Variants in NBAS observed in about 807,000 individuals in gnomAD.
The protein encoded by NBAS is NAG/BC035112 fusion.
NBAS carries 219 observed loss-of-function variants against 302.5 expected under a neutral mutation model. That is an observed-to-expected ratio of 0.72 (90% CI 0.65 to 0.81). The LOEUF (loss-of-function observed/expected upper bound fraction) is 0.81, where lower values mean the gene tolerates loss of function less well. NBAS is among the 30% of genes least tolerant of loss of function. The pLI is 0.00. For synonymous variants in NBAS, 1,118 were observed against 1,021.6 expected (o/e 1.09, Z -1.80); for missense variants, 2,932 against 2,841.6 (o/e 1.03, Z -0.72).
intron 21 of NBAS, among the ~76,000 whole-genome samples, chr2:15,433,373 C>T (rs1004843579): frequency 6.6e-6 from 1 of 152,060 alleles, no homozygotes; most frequent in Non-Finnish European, 1.5e-5. Context: ...TACAACAGTA[C>T]CTGGCATACA....
At chr2:14,997,169 G>A in the NBAS span, among the ~76,000 whole-genome samples, 1 of 152,164 alleles carries the variant, frequency 6.6e-6, no homozygotes, top group Admixed American at 6.5e-5. Context: ...AGGGAGAGGA[G>A]CAGGAGAGGA....
At chr2:15,132,222 A>G in the NBAS span, among the ~76,000 whole-genome samples, 3 of 152,256 alleles carry the variant, frequency 2.0e-5, no homozygotes, top group African/African-American at 7.2e-5. Flanking sequence ...CGGTACATCC[A>G]GACAATGGAA....
chr2:15,089,358 T>C, the NBAS span, among the ~76,000 whole-genome samples: 1 of 152,112 alleles, frequency 6.6e-6, no homozygotes, highest in African/African-American at 2.4e-5. Flanking sequence ...TATTTTAAAA[T>C]TCATAATCAC....
At chr2:14,866,712 A>G in the NBAS span, among the ~76,000 whole-genome samples, 1 of 152,190 alleles carries the variant, frequency 6.6e-6, no homozygotes, top group Admixed American at 6.5e-5. Context: ...AAAACTGACC[A>G]CTGAAGGCAT....
At chr2:15,109,668 C>A in the NBAS span, among the ~76,000 whole-genome samples, 1 of 152,178 alleles carries the variant, frequency 6.6e-6, no homozygotes, top group African/African-American at 2.4e-5. Flanking sequence ...TTCTCCTTGT[C>A]TTCTCACAGA....
the NBAS span, among the ~76,000 whole-genome samples, chr2:14,914,575 C>T: frequency 2.0e-5 from 3 of 152,300 alleles, no homozygotes; most frequent in East Asian, 1.9e-4. Flanking sequence ...ACATTATTTG[C>T]AGGAACAGAT....
rs535300197 is a variant in NBAS at position 15,313,521 on chromosome 2, T to C, written c.4583-4274A>G. ...TTCTTGATCAGTACCTATCAGGCGA[T>C]TGACAATGTTATGCTATGACAAACA... On this transcript the variant is annotated intron_variant, in intron 38 of 51. Transcript: ENST00000281513. 1.7e-4 allele frequency among the ~76,000 whole-genome samples: 26 copies of C among 152,370 alleles called. No individual in the cohort carries two copies. The South Asian group carries it at 5.4e-3, about 32-fold the overall frequency.
the NBAS span, among the ~76,000 whole-genome samples, chr2:14,823,038 G>A: frequency 6.6e-6 from 1 of 152,172 alleles, no homozygotes; most frequent in African/African-American, 2.4e-5. Context: ...CACATATAGT[G>A]TTCTGTCACA....
the NBAS span, among the ~76,000 whole-genome samples, chr2:15,006,396 G>T: frequency 6.6e-6 from 1 of 152,076 alleles, no homozygotes; most frequent in Admixed American, 6.6e-5. Context: ...TATTAATGGG[G>T]TATGTTTACT....
chr2:15,558,765 T>C (rs1356756503), intron 1 of NBAS, 131 bp from the exon 2 acceptor site: 1 of 722,416 alleles, frequency 1.4e-6, no homozygotes, highest in South Asian at 1.5e-5. Context: ...AGCAGTGTCT[T>C]AAAACTACTT....
At chr2:15,067,107 G>A in the NBAS span, among the ~76,000 whole-genome samples, 3 of 134,534 alleles carry the variant, frequency 2.2e-5, no homozygotes, top group Admixed American at 8.1e-5. Context: ...TGGATTACTT[G>A]AGTCCAGGAG....
At chr2:14,989,050 C>T in the NBAS span, among the ~76,000 whole-genome samples, 7 of 152,184 alleles carry the variant, frequency 4.6e-5, no homozygotes, top group South Asian at 2.1e-4. Flanking sequence ...GTTAAAACAT[C>T]GCACATCTTC....
At chr2:15,180,604 C>T (rs1157467280) in intron 50 of NBAS, among the ~76,000 whole-genome samples, 1 of 152,182 alleles carries the variant, frequency 6.6e-6, no homozygotes, top group Non-Finnish European at 1.5e-5. Flanking sequence ...TGGCAGTGCT[C>T]CCCACCTAAG....
At chr2:15,024,405 C>T in the NBAS span, among the ~76,000 whole-genome samples, 8 of 151,938 alleles carry the variant, frequency 5.3e-5, no homozygotes, top group Non-Finnish European at 4.4e-5. Flanking sequence ...GATTCCATGT[C>T]TTTGTGAATA....
At chr2:15,156,436 G>A in the NBAS span, among the ~76,000 whole-genome samples, 1 of 152,200 alleles carries the variant, frequency 6.6e-6, no homozygotes, top group African/African-American at 2.4e-5. Context: ...CACGAGGCTA[G>A]GTATTTATTG....
intron 46 of NBAS, among the ~76,000 whole-genome samples, chr2:15,234,063 T>G (rs1329267921): frequency 6.6e-6 from 1 of 152,188 alleles, no homozygotes; most frequent in Non-Finnish European, 1.5e-5. Flanking sequence ...TTTTATGCCA[T>G]TAATTGCAGG....
chr2:15,269,021 T>G (rs914458685), intron 44 of NBAS, among the ~76,000 whole-genome samples: 3 of 152,176 alleles, frequency 2.0e-5, no homozygotes, highest in African/African-American at 4.8e-5. Flanking sequence ...GCTTCTAAGA[T>G]TTCAGTGGAG....
the NBAS span, among the ~76,000 whole-genome samples, chr2:14,856,760 A>G: frequency 6.6e-6 from 1 of 152,134 alleles, no homozygotes; most frequent in Non-Finnish European, 1.5e-5. Context: ...CACAGAGGAG[A>G]CAAAAGAAAA....
intron 21 of NBAS, among the ~76,000 whole-genome samples, chr2:15,446,405 A>G (rs904651855): frequency 2.0e-5 from 3 of 152,206 alleles, no homozygotes; most frequent in Admixed American, 1.3e-4. Flanking sequence ...GGTAGCTCCA[A>G]CGAGGTACTA....
Sources: gnomAD v4.1 joint callset for allele counts (sites outside exome capture counted in the v4.1 genomes callset) on GRCh38, gnomAD v4.1.1 for gene constraint, MANE v1.5 for transcripts, NCBI Gene and HGNC (gene_info 2026-07-23, HGNC 2026-07-21) for gene names.